Variants in XYLT1 observed in about 807,000 individuals in gnomAD.
XYLT1 encodes xylosyltransferase 1.
In XYLT1, 36 loss-of-function variants were observed where a neutral mutation model predicts 91.3. The ratio of observed to expected loss-of-function variants is 0.39; its 90% CI spans 0.30 to 0.52. XYLT1 has a LOEUF of 0.52. XYLT1 is among the 20% of genes least tolerant of loss of function. The pLI is 0.68. For synonymous variants in XYLT1, 588 were observed against 532.0 expected, an observed-to-expected ratio of 1.11 and a Z score of -1.45; for missense variants, 1,242 against 1,284.5, an observed-to-expected ratio of 0.97 and a Z score of 0.51.
intron 2 of XYLT1, among the ~76,000 whole-genome samples, chr16:17,302,819 T>C (rs577787885): frequency 6.6e-6 from 1 of 151,898 alleles, no homozygotes; most frequent in Non-Finnish European, 1.5e-5. Flanking sequence ...ACTGGCACAA[T>C]AACGGGTTAC....
chr16:17,127,970 A>G, intron 9 of XYLT1, 109 bp from the exon 10 acceptor site: 2 of 974,590 alleles, frequency 2.1e-6, no homozygotes, highest in Admixed American at 2.7e-5. Flanking sequence ...ATTGTGCACA[A>G]TGCCTACTGT....
chr16:17,469,172 G>A (rs896279467), intron 1 of XYLT1, among the ~76,000 whole-genome samples: 1 of 152,230 alleles, frequency 6.6e-6, no homozygotes, highest in South Asian at 2.1e-4. Context: ...CACAGACTCC[G>A]AAGAAGTTTA....
intron 11 of XYLT1, 61 bp downstream of exon 11, chr16:17,117,585 A>C: frequency 6.5e-7 from 1 of 1,548,870 alleles, no homozygotes; most frequent in Non-Finnish European, 8.8e-7. Flanking sequence ...ACCAACACCA[A>C]AGACCCTCAA....
At chr16:17,149,066 A>G (rs543439089) in intron 6 of XYLT1, among the ~76,000 whole-genome samples, 1 of 152,360 alleles carries the variant, frequency 6.6e-6, no homozygotes, top group South Asian at 2.1e-4. Flanking sequence ...CAGGGACCAA[A>G]TCTACTCAGC....
intron 2 of XYLT1, among the ~76,000 whole-genome samples, chr16:17,344,327 C>CAAA (rs1167697825): frequency 9.5e-6 from 1 of 105,154 alleles, no homozygotes; most frequent in African/African-American, 3.5e-5. Flanking sequence ...CTAAAAAATA[C>CAAA]AAAAAAAAAA....
intron 1 of XYLT1, among the ~76,000 whole-genome samples, chr16:17,366,653 C>T (rs2035458449): frequency 6.6e-6 from 1 of 152,194 alleles, no homozygotes; most frequent in Non-Finnish European, 1.5e-5. Context: ...CAAGATAGTG[C>T]CACTGCACTC....
intron 1 of XYLT1, among the ~76,000 whole-genome samples, chr16:17,426,384 A>G (rs2036319364): frequency 6.6e-6 from 1 of 152,084 alleles, no homozygotes; most frequent in Non-Finnish European, 1.5e-5. Flanking sequence ...ACATGGTGAC[A>G]CCCTGACTCT....
At chr16:17,357,339 G>A (rs1048301156) in intron 2 of XYLT1, among the ~76,000 whole-genome samples, 3 of 152,228 alleles carry the variant, frequency 2.0e-5, no homozygotes, top group African/African-American at 4.8e-5. Flanking sequence ...TAGACATTAT[G>A]TGGCCCCATG....
At chr16:17,175,382 G>T (rs1041947875) in intron 5 of XYLT1, among the ~76,000 whole-genome samples, 1 of 152,030 alleles carries the variant, frequency 6.6e-6, no homozygotes, top group Non-Finnish European at 1.5e-5. Flanking sequence ...GTTACATATC[G>T]GCTCAGTTTG....
chr16:17,410,003 C>G (rs761397752), intron 1 of XYLT1, among the ~76,000 whole-genome samples: 2 of 152,178 alleles, frequency 1.3e-5, no homozygotes, highest in African/African-American at 2.4e-5. Context: ...GGAGGCTCTG[C>G]TGTGGGTGAT....
intron 9 of XYLT1, among the ~76,000 whole-genome samples, chr16:17,129,156 A>G (rs2030379572): frequency 6.6e-6 from 1 of 152,026 alleles, no homozygotes; most frequent in Admixed American, 6.6e-5. Context: ...CCTGTTTTAA[A>G]TCTGGACTTT....
At chr16:17,463,673 A>C (rs1240176006) in intron 1 of XYLT1, among the ~76,000 whole-genome samples, 2 of 152,250 alleles carry the variant, frequency 1.3e-5, no homozygotes, top group Non-Finnish European at 2.9e-5. Flanking sequence ...GGTTCTTCAC[A>C]AGCTAAAAAC....
rs966662453 is a variant in XYLT1, at chr16:17,215,077, C to T, written c.914-14423G>A. Among the ~76,000 whole-genome samples, 5 of 152,112 alleles carry T rather than the reference C, an allele frequency of 3.3e-5. No homozygotes were observed. The East Asian group carries it at 5.8e-4, about 18-fold the overall frequency. ...TGATTAAAGTTAAATGAAGTTGGGC[C>T]GAGTGTGGCGGCTCATGCCTGTAAT... is the stretch of plus-strand genomic sequence containing the variant. On this transcript the variant is annotated intron_variant, in intron 3 of 11. Coordinates refer to ENST00000261381, the MANE Select transcript of XYLT1 (RefSeq NM_022166.4).
chr16:17,416,752 G>T (rs540477207), intron 1 of XYLT1, among the ~76,000 whole-genome samples: 22 of 152,274 alleles, frequency 1.4e-4, no homozygotes, highest in Admixed American at 2.6e-4. Context: ...CTCCACCAGG[G>T]GTTGCCAGGG....
intron 1 of XYLT1, among the ~76,000 whole-genome samples, chr16:17,398,537 C>T (rs1234211791): frequency 3.3e-5 from 5 of 152,016 alleles, no homozygotes; most frequent in East Asian, 1.9e-4. Context: ...ATGATGTATT[C>T]GTTTCTTGCC....
chr16:17,206,037 G>A (rs759183248), intron 3 of XYLT1, among the ~76,000 whole-genome samples: 8 of 152,156 alleles, frequency 5.3e-5, no homozygotes, highest in Non-Finnish European at 1.0e-4. Context: ...AGGTGTGACT[G>A]GGATTCAGAG....
rs781467027 is a variant in XYLT1 at position 17,259,445 on chromosome 16, G to A, written c.456C>T (p.Asn152=). 1.9e-5 allele frequency: 30 copies of A among 1,613,440 alleles called. No individual in the cohort carries two copies. The highest frequency in any genetic ancestry group is 1.3e-4 in the African/African-American group (10 of 74,932). Residue 152 remains asparagine (N), a synonymous_variant, in exon 3 of 12, where the codon AAC becomes AAT. Transcript: ENST00000261381. ...CAAAGTCTTTGGGGACAGAGTTCTCGTTGTTGCTGTCTGTTCGCACTTTCT... is the reference window on the plus strand; with the variant it reads ...CAAAGTCTTTGGGGACAGAGTTCTCATTGTTGCTGTCTGTTCGCACTTTCT... The part of the protein sequence containing the change: ...PKEKVRTDSN[N]ENSVPKDFEN...
intron 3 of XYLT1, among the ~76,000 whole-genome samples, chr16:17,219,990 G>A (rs889633259): frequency 2.6e-5 from 4 of 152,148 alleles, no homozygotes; most frequent in African/African-American, 7.2e-5. Flanking sequence ...GACAGAGGAA[G>A]CTCATTTTAA....
intron 5 of XYLT1, among the ~76,000 whole-genome samples, chr16:17,182,884 G>A (rs1339822851): frequency 6.6e-6 from 1 of 152,174 alleles, no homozygotes; most frequent in Non-Finnish European, 1.5e-5. Flanking sequence ...TGCTAACGCA[G>A]GACAGATGGT....
Sources: gnomAD v4.1 joint callset for allele counts (sites outside exome capture counted in the v4.1 genomes callset) on GRCh38, gnomAD v4.1.1 for gene constraint, MANE v1.5 for transcripts, NCBI Gene and HGNC (gene_info 2026-07-23, HGNC 2026-07-21) for gene names.